The following CNTNAP2 variants were observed in gnomAD, a reference collection of about 807,000 sequenced individuals.
CNTNAP2 encodes contactin-associated protein-like 2.
A neutral mutation model predicts 155.2 loss-of-function variants in CNTNAP2; 98 were observed. The observed-to-expected ratio is 0.63, with a 90% CI of 0.54 to 0.75. The LOEUF (loss-of-function observed/expected upper bound fraction) is 0.75. Ranked by LOEUF, CNTNAP2 falls within the 30% of genes least tolerant of loss-of-function variation. The probability of loss-of-function intolerance (pLI) is 0.00; values close to 1 mark genes in which losing one functional copy is unlikely to be tolerated. For synonymous variants in CNTNAP2, 651 were observed against 631.2 expected (o/e 1.03, Z -0.47); for missense variants, 1,727 against 1,688.1 (o/e 1.02, Z -0.40).
intron 1 of CNTNAP2, among the ~76,000 whole-genome samples, chr7:146,541,497 A>G (rs1797953032): frequency 1.3e-5 from 2 of 152,042 alleles, no homozygotes; most frequent in South Asian, 4.1e-4. Flanking sequence ...ATATGACAGT[A>G]GGCAACTGTA....
At chr7:146,893,120 C>G (rs921340030) in intron 3 of CNTNAP2, among the ~76,000 whole-genome samples, 3 of 152,036 alleles carry the variant, frequency 2.0e-5, no homozygotes, top group Admixed American at 6.6e-5. Flanking sequence ...ATATCTCTTG[C>G]ATTGTTATCT....
intron 1 of CNTNAP2, among the ~76,000 whole-genome samples, chr7:146,237,692 C>A (rs1799496826): frequency 6.6e-6 from 1 of 151,500 alleles, no homozygotes; most frequent in Non-Finnish European, 1.5e-5. Flanking sequence ...GGTGCAAGCA[C>A]TGGGGACAAT....
At chr7:148,312,733 A>G (rs1797616151) in intron 21 of CNTNAP2, among the ~76,000 whole-genome samples, 2 of 152,216 alleles carry the variant, frequency 1.3e-5, no homozygotes. Context: ...TTAAAAGGCC[A>G]TGCTGTAACA....
chr7:147,135,429 T>C (rs1014700052), intron 8 of CNTNAP2, among the ~76,000 whole-genome samples: 1 of 151,822 alleles, frequency 6.6e-6, no homozygotes, highest in African/African-American at 2.4e-5. Flanking sequence ...AGTGACTCAA[T>C]TTTATCCCAG....
intron 21 of CNTNAP2, among the ~76,000 whole-genome samples, chr7:148,320,600 T>C (rs1238897881): frequency 6.6e-6 from 1 of 151,898 alleles, no homozygotes; most frequent in Non-Finnish European, 1.5e-5. Flanking sequence ...GCCAGGCTGG[T>C]CTCAAACTCC....
chr7:147,065,856 T>C (rs1266087820), intron 4 of CNTNAP2, among the ~76,000 whole-genome samples: 2 of 152,138 alleles, frequency 1.3e-5, no homozygotes, highest in Non-Finnish European at 2.9e-5. Context: ...ATTTCTGATT[T>C]TACTTACATT....
Position 148,413,350 on chromosome 7 carries a change from C to T in CNTNAP2, c.3797-2067C>T, listed in dbSNP as rs542846126. Among the ~76,000 whole-genome samples, 9 of 136,980 alleles carry T rather than the reference C, an allele frequency of 6.6e-5. No individual in the cohort carries two copies. The East Asian group carries it at 1.9e-3, about 29-fold the overall frequency. 89.9% of individuals were successfully genotyped at this position (136,980 alleles called of 152,430 possible). ...GAGGTTACAGTAAGCCCAGATCGTGCCATTGCACTCCAGCCTGGGCAACAA... is the reference window on the plus strand; with the variant it reads ...GAGGTTACAGTAAGCCCAGATCGTGTCATTGCACTCCAGCCTGGGCAACAA... On this transcript the variant is annotated intron_variant, in intron 23 of 23. Coordinates refer to ENST00000361727, the MANE Select transcript of CNTNAP2 (RefSeq NM_014141.6).
chr7:146,946,072 C>CCCTTCCTTCCTTCCTT (rs10625736), intron 3 of CNTNAP2, among the ~76,000 whole-genome samples: 486 of 149,950 alleles, frequency 3.2e-3, no homozygotes, highest in African/African-American at 0.011. Context: ...TTCCTTCCTT[C>CCCTTCCTTCCTTCCTT]CCTTCCTTCC....
At chr7:146,332,396 A>G (rs995536338) in intron 1 of CNTNAP2, among the ~76,000 whole-genome samples, 2 of 152,178 alleles carry the variant, frequency 1.3e-5, no homozygotes, top group Non-Finnish European at 2.9e-5. Context: ...TGCCTAAAGG[A>G]AAACTTAAAT....
intron 13 of CNTNAP2, among the ~76,000 whole-genome samples, chr7:147,709,677 C>T (rs1796374201): frequency 6.6e-6 from 1 of 152,016 alleles, no homozygotes; most frequent in African/African-American, 2.4e-5. Flanking sequence ...GGTTAGAGTC[C>T]CTAGAAAATA....
intron 8 of CNTNAP2, among the ~76,000 whole-genome samples, chr7:147,176,792 T>G (rs1802353703): frequency 8.0e-6 from 1 of 124,394 alleles, no homozygotes; most frequent in Non-Finnish European, 1.6e-5. Context: ...ATTATAATTA[T>G]ATATTATAAT....
chr7:148,072,919 G>GC (rs1461506611), intron 15 of CNTNAP2, among the ~76,000 whole-genome samples: 1 of 152,110 alleles, frequency 6.6e-6, no homozygotes, highest in East Asian at 1.9e-4. Flanking sequence ...TATTGGCCAG[G>GC]CTTGTCTCAG....
At chr7:146,397,383 A>C (rs142329741) in intron 1 of CNTNAP2, among the ~76,000 whole-genome samples, 224 of 152,250 alleles carry the variant, frequency 1.5e-3, no homozygotes, top group Non-Finnish European at 2.5e-3. Context: ...TCAGGAGGCT[A>C]TTGTTGATTG....
intron 13 of CNTNAP2, among the ~76,000 whole-genome samples, chr7:147,838,874 TCTA>T (rs1240981733): frequency 2.0e-5 from 3 of 152,276 alleles, no homozygotes; most frequent in African/African-American, 7.2e-5. Flanking sequence ...AGGGCTCCAC[TCTA>T]CTTGTGCCAA....
intron 10 of CNTNAP2, among the ~76,000 whole-genome samples, chr7:147,418,531 T>C (rs897409999): frequency 4.6e-5 from 7 of 152,244 alleles, no homozygotes; most frequent in Non-Finnish European, 8.8e-5. Context: ...AAAATTTTCC[T>C]GCACCCTAAT....
At chr7:147,236,686 G>A (rs566166977) in intron 8 of CNTNAP2, among the ~76,000 whole-genome samples, 2 of 151,818 alleles carry the variant, frequency 1.3e-5, no homozygotes, top group African/African-American at 4.8e-5. Context: ...CGGAGCTGGG[G>A]GCACTGCCAA....
chr7:146,621,080 A>T (rs1490529870), intron 1 of CNTNAP2, among the ~76,000 whole-genome samples: 1 of 152,178 alleles, frequency 6.6e-6, no homozygotes, highest in Non-Finnish European at 1.5e-5. Context: ...GAATTTTCTT[A>T]GCAAATGCCG....
intron 20 of CNTNAP2, among the ~76,000 whole-genome samples, chr7:148,231,668 T>C (rs571056252): frequency 1.1e-4 from 17 of 152,252 alleles, no homozygotes; most frequent in African/African-American, 3.8e-4. Context: ...TGGGCTCATG[T>C]CTTCCCAATT....
intron 1 of CNTNAP2, among the ~76,000 whole-genome samples, chr7:146,339,985 C>T (rs1360804715): frequency 2.6e-5 from 4 of 151,682 alleles, no homozygotes; most frequent in Non-Finnish European, 4.4e-5. Context: ...CCGGCTAACA[C>T]GGTGAAACCC....
Sources: allele counts gnomAD v4.1 joint callset (sites outside exome capture counted in the v4.1 genomes callset), GRCh38; gene constraint gnomAD v4.1.1; transcripts MANE v1.5; gene names NCBI Gene and HGNC (gene_info 2026-07-23, HGNC 2026-07-21).